Variants in ADGRL3 observed in about 807,000 individuals in gnomAD.
ADGRL3 encodes the protein calcium-independent alpha-latrotoxin receptor 3.
Under a neutral mutation model 153.5 loss-of-function variants are expected in ADGRL3, and 62 were observed. That is an observed-to-expected ratio of 0.40 (90% CI 0.33 to 0.50). The LOEUF is 0.50. Ranked by LOEUF, ADGRL3 falls within the 20% of genes least tolerant of loss-of-function variation. The pLI, the probability that ADGRL3 is intolerant of heterozygous loss-of-function variation, is 0.47. For missense variants in ADGRL3, 1,641 were observed against 1,859.4 expected (o/e 0.88, Z 2.16); for synonymous variants, 710 against 672.5 (o/e 1.06, Z -0.86).
Position 61,952,890 on chromosome 4 carries a change from G to A in ADGRL3, c.2805+4614G>A, listed in dbSNP as rs564087555. 2.1e-4 allele frequency among the ~76,000 whole-genome samples: 32 copies of A among 152,290 alleles called. No individual in the cohort carries two copies. In the South Asian group the frequency reaches 6.6e-3, roughly 32 times the overall value. On this transcript the variant is annotated intron_variant, in intron 17 of 26. Transcript: ENST00000683033. Reference sequence around the variant, plus strand: ...AATCCATTGTATAACAGTCATGACTGTGACCACTATTGTGTGTCAACAAGA... The same window carrying A: ...AATCCATTGTATAACAGTCATGACTATGACCACTATTGTGTGTCAACAAGA...
chr4:61,469,900 TA>T (rs1005781949), intron 2 of ADGRL3, among the ~76,000 whole-genome samples: 1 of 151,758 alleles, frequency 6.6e-6, no homozygotes, highest in East Asian at 1.9e-4. Context: ...CAATAATAAT[TA>T]ATTTTATTAT....
chr4:61,425,204 G>A (rs1056204501), intron 2 of ADGRL3: 53 of 152,342 alleles, frequency 3.5e-4, no homozygotes, highest in African/African-American at 1.3e-3. Flanking sequence ...GTGGGGTGGG[G>A]GCACTATGTG....
At chr4:61,610,875 GT>G (rs1268118419) in intron 5 of ADGRL3, among the ~76,000 whole-genome samples, 1 of 151,810 alleles carries the variant, frequency 6.6e-6, no homozygotes, top group Non-Finnish European at 1.5e-5. Context: ...GGTGTAGAGT[GT>G]TTGCATATAA....
chr4:61,599,371 AT>A (rs1453027519), intron 5 of ADGRL3, among the ~76,000 whole-genome samples: 1 of 152,132 alleles, frequency 6.6e-6, no homozygotes, highest in Non-Finnish European at 1.5e-5. Flanking sequence ...ACAAAATCTC[AT>A]TCTGCCACCC....
intron 1 of ADGRL3, among the ~76,000 whole-genome samples, chr4:61,266,043 G>A (rs1481215812): frequency 1.3e-5 from 2 of 151,798 alleles, no homozygotes; most frequent in African/African-American, 4.8e-5. Flanking sequence ...TACAGGATGT[G>A]ATAACTTGAT....
chr4:61,279,310 A>G (rs2093621554), intron 1 of ADGRL3, among the ~76,000 whole-genome samples: 1 of 152,132 alleles, frequency 6.6e-6, no homozygotes, highest in Non-Finnish European at 1.5e-5. Context: ...TTTTGCATCT[A>G]TTAGGTGAAT....
At position 61,983,502 on chromosome 4, in the gene ADGRL3, T is replaced by C; in HGVS notation, c.3135T>C (p.His1045=). Residue 1045 remains histidine (H), a synonymous_variant, in exon 19 of 27, where the codon CAT becomes CAC. Coordinates refer to ENST00000683033, the MANE Select transcript of ADGRL3 (RefSeq NM_001387552.1). Reference sequence around the variant, plus strand: ...TGGTGGAGGTTTTTGAGAGTGAACATTCACGTAGGAAATACTTTTATCTGG... The same window carrying C: ...TGGTGGAGGTTTTTGAGAGTGAACACTCACGTAGGAAATACTTTTATCTGG... ...IMLVEVFESE[H]SRRKYFYLVG... The C allele has an allele frequency of 6.2e-7, 1 of 1,613,968 alleles. No homozygotes were observed. The highest frequency in any genetic ancestry group is 8.5e-7 in the Non-Finnish European group (1 of 1,179,870).
chr4:61,820,474 C>G (rs1479935716), intron 9 of ADGRL3, among the ~76,000 whole-genome samples: 3 of 152,174 alleles, frequency 2.0e-5, no homozygotes, highest in African/African-American at 7.2e-5. Context: ...CTATAAACGA[C>G]TTAATAAAAA....
chr4:61,630,913 T>C (rs2093124944), intron 5 of ADGRL3, among the ~76,000 whole-genome samples: 1 of 152,202 alleles, frequency 6.6e-6, no homozygotes, highest in South Asian at 2.1e-4. Context: ...AATTTTCCCT[T>C]CACTACCTAT....
At chr4:61,993,268 TGTTTC>T in intron 19 of ADGRL3, among the ~76,000 whole-genome samples, 3 of 147,134 alleles carry the variant, frequency 2.0e-5, no homozygotes, top group African/African-American at 7.7e-5. Context: ...TTTTTGTTTC[TGTTTC>T]TTTTTTTCTT....
chr4:61,858,342 G>A (rs931708221), intron 9 of ADGRL3, among the ~76,000 whole-genome samples: 1 of 152,130 alleles, frequency 6.6e-6, no homozygotes, highest in Non-Finnish European at 1.5e-5. Flanking sequence ...ATGAATATTG[G>A]CCAGGCATGG....
chr4:61,891,354 A>G (rs952836328), intron 9 of ADGRL3, among the ~76,000 whole-genome samples: 1 of 152,186 alleles, frequency 6.6e-6, no homozygotes, highest in Non-Finnish European at 1.5e-5. Context: ...AATTCTGAAC[A>G]TTACCATTCA....
At chr4:61,685,635 A>G (rs2095428792) in intron 6 of ADGRL3, among the ~76,000 whole-genome samples, 1 of 152,096 alleles carries the variant, frequency 6.6e-6, no homozygotes, top group Non-Finnish European at 1.5e-5. Context: ...TGTTCTCGTA[A>G]GTGGTAGAAA....
rs1044021115 is a variant in ADGRL3, at chr4:61,497,022, A to G, written c.-173-99A>G. 2.7e-5 allele frequency: 10 copies of G among 372,686 alleles called. No homozygotes were observed. In the Admixed American group the frequency reaches 5.0e-4, roughly 18 times the overall value. The allele number at this position is 372,686 out of a possible 1,614,324, so 23.1% of individuals were successfully genotyped here. On this transcript the variant is annotated intron_variant, in intron 2 of 26. Coordinates refer to ENST00000683033, the MANE Select transcript of ADGRL3 (RefSeq NM_001387552.1). ...GTTTATTTCATTAAGATCTGAGGCC[A>G]GGATATTAACATGATGGCAATATAT... is the stretch of plus-strand genomic sequence containing the variant.
chr4:61,906,773 T>C (rs2149781227), intron 11 of ADGRL3, among the ~76,000 whole-genome samples: 1 of 152,224 alleles, frequency 6.6e-6, no homozygotes, highest in Non-Finnish European at 1.5e-5. Flanking sequence ...AATATGACTG[T>C]AAATAATTTA....
intron 4 of ADGRL3, among the ~76,000 whole-genome samples, chr4:61,570,881 T>A (rs1191313620): frequency 6.6e-6 from 1 of 152,168 alleles, no homozygotes; most frequent in African/African-American, 2.4e-5. Context: ...TCTCATCATT[T>A]CTGAATAAAT....
chr4:61,313,693 C>T (rs1181517184), intron 1 of ADGRL3, among the ~76,000 whole-genome samples: 1 of 152,018 alleles, frequency 6.6e-6, no homozygotes, highest in African/African-American at 2.4e-5. Flanking sequence ...AAATTAAGAC[C>T]CCCAAATACT....
intron 6 of ADGRL3, among the ~76,000 whole-genome samples, chr4:61,715,485 C>A (rs2096089370): frequency 1.3e-5 from 2 of 152,086 alleles, no homozygotes; most frequent in Non-Finnish European, 2.9e-5. Context: ...GCTCTATAAG[C>A]AACTTGCTTT....
In ADGRL3 at chr4:61,432,622, CTTTCTTTCTTTCTT is replaced by C. The variant is rs2097376971; in HGVS notation, c.-174+49435_-174+49448del. Among the ~76,000 whole-genome samples, 3 of 69,612 alleles carry C rather than the reference CTTTCTTTCTTTCTT, an allele frequency of 4.3e-5. 1 individual carries two copies. Among genetic ancestry groups the C allele is most frequent in the Admixed American group, 3.2e-4 (2 of 6,282 alleles). The allele number at this position is 69,612 out of a possible 152,430, so 45.7% of individuals were successfully genotyped here. A position where few individuals can be genotyped will look rare whatever the true frequency, so the allele number is the denominator to read the frequency against. On this transcript the variant is annotated intron_variant, in intron 2 of 26. Transcript: ENST00000683033. Reference sequence around the variant, plus strand: ...TCTTTCTTTCTTTCTTTCTTTCTTTCTTTCTTTCTTTCTTTCTTTCTTTCTTTCTTTCTTTTTTT... The same window carrying C: ...TCTTTCTTTCTTTCTTTCTTTCTTTCTCTTTCTTTCTTTCTTTCTTTTTTT...
Sources: allele counts gnomAD v4.1 joint callset (sites outside exome capture counted in the v4.1 genomes callset), GRCh38; gene constraint gnomAD v4.1.1; transcripts MANE v1.5; gene names NCBI Gene and HGNC (gene_info 2026-07-23, HGNC 2026-07-21).